The following FAR1 variants were observed in gnomAD, a reference collection of about 807,000 sequenced individuals.
FAR1 encodes the protein male sterility domain-containing protein 2.
In FAR1, 22 loss-of-function variants were observed where a neutral mutation model predicts 61.1. That is an observed-to-expected ratio of 0.36 (90% CI 0.26 to 0.51). The LOEUF (loss-of-function observed/expected upper bound fraction) is 0.51, where lower values mean the gene tolerates loss of function less well. FAR1 is among the 20% of genes least tolerant of loss of function. FAR1 has a pLI of 0.95. For synonymous variants in FAR1, 206 were observed against 209.7 expected, an observed-to-expected ratio of 0.98 and a Z score of 0.15; for missense variants, 359 against 626.9, an observed-to-expected ratio of 0.57 and a Z score of 4.56.
At chr11:13,714,782 C>CT in intron 9 of FAR1, 102 bp downstream of exon 9, 1 of 1,031,610 alleles carries the variant, frequency 9.7e-7, no homozygotes, top group Non-Finnish European at 1.3e-6. Flanking sequence ...TATGATAAGG[C>CT]TTAATAGCCT....
intron 10 of FAR1, among the ~76,000 whole-genome samples, chr11:13,723,563 G>C (rs900351919): frequency 6.6e-6 from 1 of 152,018 alleles, no homozygotes; most frequent in Non-Finnish European, 1.5e-5. Context: ...AATTTACCTA[G>C]ATTGCATTGG....
intron 1 of FAR1, among the ~76,000 whole-genome samples, chr11:13,688,690 C>A (rs999631236): frequency 6.6e-6 from 1 of 152,082 alleles, no homozygotes; most frequent in African/African-American, 2.4e-5. Context: ...ATTAGCTGAT[C>A]TAGGTATGTT....
chr11:13,681,046 A>T (rs946531858), intron 1 of FAR1, among the ~76,000 whole-genome samples: 1 of 152,200 alleles, frequency 6.6e-6, no homozygotes, highest in African/African-American at 2.4e-5. Flanking sequence ...TCAACTCCAG[A>T]TGGTAATGCT....
In FAR1 at chr11:13,678,979, A is replaced by T. The variant is rs529739929; in HGVS notation, c.-8+10173A>T. 3.3e-5 allele frequency among the ~76,000 whole-genome samples: 5 copies of T among 152,314 alleles called. No individual in the cohort carries two copies. The East Asian group carries it at 9.6e-4, about 29-fold the overall frequency. On this transcript the variant is annotated intron_variant, in intron 1 of 11. Transcript: ENST00000354817. ...AATTTACCTTTGTTAATCTTGGGCG[A>T]AGCGGTATGTAGTATATATGTAGTG...
chr11:13,693,847 T>C (rs1198282310), intron 1 of FAR1, among the ~76,000 whole-genome samples: 2 of 152,170 alleles, frequency 1.3e-5, no homozygotes, highest in East Asian at 3.8e-4. Context: ...TTCCAGGTTG[T>C]TATGAACATA....
chr11:13,716,405 T>C (rs942875685), intron 9 of FAR1, among the ~76,000 whole-genome samples: 14 of 152,172 alleles, frequency 9.2e-5, no homozygotes, highest in Non-Finnish European at 2.1e-4. Flanking sequence ...TCTGTCAGGA[T>C]CAAGAATTTG....
chr11:13,686,812 C>T (rs1198539810), intron 1 of FAR1, among the ~76,000 whole-genome samples: 1 of 152,140 alleles, frequency 6.6e-6, no homozygotes, highest in Non-Finnish European at 1.5e-5. Flanking sequence ...ATTAGCCTTC[C>T]ATTAATATTA....
intron 11 of FAR1, 122 bp from the exon 12 acceptor site, chr11:13,728,490 C>G (rs1848688826): frequency 1.1e-6 from 1 of 869,946 alleles, no homozygotes; most frequent in Non-Finnish European, 1.8e-6. Context: ...TAATGCCTAT[C>G]ATAAGTTTCA....
chr11:13,674,485 C>A, intron 1 of FAR1, among the ~76,000 whole-genome samples: 1 of 152,060 alleles, frequency 6.6e-6, no homozygotes, highest in Non-Finnish European at 1.5e-5. Context: ...AATTTTAAGC[C>A]CGTCTTCCTT....
chr11:13,720,781 TA>T (rs1848602398), intron 9 of FAR1: 1 of 152,118 alleles, frequency 6.6e-6, no homozygotes. Flanking sequence ...ATGAAATCTT[TA>T]AAAAGTACTT....
At chr11:13,695,007 A>G in intron 2 of FAR1, 53 bp downstream of exon 2, 3 of 1,439,542 alleles carry the variant, frequency 2.1e-6, no homozygotes, top group Non-Finnish European at 2.8e-6. Context: ...GTGCTTGTGT[A>G]TATAATTATT....
At chr11:13,722,549 C>T (rs1848622041) in intron 10 of FAR1, among the ~76,000 whole-genome samples, 1 of 151,960 alleles carries the variant, frequency 6.6e-6, no homozygotes, top group Non-Finnish European at 1.5e-5. Flanking sequence ...TCTTGGCTCA[C>T]TGCAACCTCT....
intron 9 of FAR1, chr11:13,720,817 C>T (rs1206020324): frequency 2.6e-5 from 4 of 151,952 alleles, no homozygotes; most frequent in Non-Finnish European, 2.9e-5. Flanking sequence ...TTTCTGTTCA[C>T]AGAAGTGGGG....
At chr11:13,718,966 A>C (rs1848581668) in intron 9 of FAR1, among the ~76,000 whole-genome samples, 1 of 152,176 alleles carries the variant, frequency 6.6e-6, no homozygotes, top group Admixed American at 6.5e-5. Context: ...GTTGGACAGC[A>C]TACACAGTGA....
At chr11:13,703,425 A>G (rs1306382757) in intron 3 of FAR1, among the ~76,000 whole-genome samples, 2 of 152,204 alleles carry the variant, frequency 1.3e-5, no homozygotes, top group Non-Finnish European at 2.9e-5. Flanking sequence ...TAACCTACAA[A>G]TAAAAAATGG....
Position 13,700,334 on chromosome 11 carries a change from A to G in FAR1, c.207A>G (p.Arg69=). Residue 69 remains arginine (R), a synonymous_variant, in exon 3 of 12, where the codon AGA becomes AGG. Transcript: ENST00000354817. The stretch of plus-strand genomic sequence containing the variant: ...CTTGATAGCTTTTTGACAGATTGAG[A>G]GATGAAAATCCAGATTTTAGAGAGA... ...VLSGKLFDRL[R]DENPDFREKI... is the part of the protein sequence containing the mutation. 6.3e-7 allele frequency: 1 copy of G among 1,590,050 alleles called. No homozygotes were observed. Among genetic ancestry groups the G allele is most frequent in the Middle Eastern group, 1.7e-4 (1 of 6,010 alleles).
In FAR1 at chr11:13,673,950, C is replaced by T. The variant is rs549582311; in HGVS notation, c.-8+5144C>T. ...TAATAAATAATTGAAATATATACTA[C>T]CAATAAAATAACTCATTCTCTTTCA... On this transcript the variant is annotated intron_variant, in intron 1 of 11. Transcript: ENST00000354817. 4.6e-5 allele frequency among the ~76,000 whole-genome samples: 7 copies of T among 152,208 alleles called. No homozygotes were observed. In the South Asian group the frequency reaches 1.2e-3, roughly 27 times the overall value.
intron 3 of FAR1, among the ~76,000 whole-genome samples, chr11:13,702,678 C>G (rs1848389634): frequency 6.6e-6 from 1 of 152,064 alleles, no homozygotes; most frequent in South Asian, 2.1e-4. Context: ...GTTCACATAG[C>G]TTTATGAAGC....
At chr11:13,728,100 T>C (rs575675538) in intron 11 of FAR1, among the ~76,000 whole-genome samples, 53 of 152,042 alleles carry the variant, frequency 3.5e-4, no homozygotes, top group Middle Eastern at 3.4e-3. Context: ...GTATAATTTA[T>C]GTAACATTAT....
Sources: gnomAD v4.1 joint callset for allele counts (sites outside exome capture counted in the v4.1 genomes callset) on GRCh38, gnomAD v4.1.1 for gene constraint, MANE v1.5 for transcripts, NCBI Gene and HGNC (gene_info 2026-07-23, HGNC 2026-07-21) for gene names.